GPC6: variants seen among roughly 807,000 people sequenced by gnomAD.
GPC6 encodes glypican 6, also known as glypican-6.
A neutral mutation model predicts 55.2 loss-of-function variants in GPC6; 14 were observed. The observed-to-expected ratio is 0.25, with a 90% CI of 0.17 to 0.40. The LOEUF (loss-of-function observed/expected upper bound fraction) is 0.40, where lower values mean the gene tolerates loss of function less well. Among genes scored for constraint, GPC6 ranks in the 10% least tolerant of loss-of-function variants. The probability of loss-of-function intolerance (pLI) is 1.00; values close to 1 mark genes in which losing one functional copy is unlikely to be tolerated. For missense variants in GPC6, 641 were observed against 708.5 expected (o/e 0.90, Z 1.08); for synonymous variants, 278 against 259.6 (o/e 1.07, Z -0.68).
intron 1 of GPC6, among the ~76,000 whole-genome samples, chr13:93,330,766 C>G (rs1462425444): frequency 6.6e-6 from 1 of 152,184 alleles, no homozygotes; most frequent in African/African-American, 2.4e-5. Flanking sequence ...TTGCATCTTT[C>G]ATTCTTCCAT....
At chr13:94,258,333 CAT>C (rs1891562454) in intron 4 of GPC6, among the ~76,000 whole-genome samples, 1 of 152,184 alleles carries the variant, frequency 6.6e-6, no homozygotes, top group Non-Finnish European at 1.5e-5. Context: ...CATTATTAAA[CAT>C]GTGCTCTTTG....
At chr13:93,234,687 TGA>T (rs10615675) in intron 1 of GPC6, among the ~76,000 whole-genome samples, 77,574 of 148,606 alleles carry the variant, frequency 0.52, 20,874 homozygotes, top group African/African-American at 0.66. Context: ...TGTGTGTGTG[TGA>T]GAGAGAGAGA....
In GPC6 at chr13:94,403,052, C is replaced by T. The variant is rs1881215066; in HGVS notation, c.1503C>T (p.Cys501=). The change falls in exon 9 of 9, where the codon TGC becomes TGT. Residue 501 remains cysteine (C), a synonymous_variant. Coordinates refer to ENST00000377047, the MANE Select transcript of GPC6 (RefSeq NM_005708.5). ...GTGGCTCAGGGAGTGGCAGTGGGTG[C>T]ATGGATGACGTGTGTCCCACGGAGT... The part of the protein sequence containing the change: ...ESSGSGSGSG[C]MDDVCPTEFE... 3 of 1,613,392 alleles carry T rather than the reference C, an allele frequency of 1.9e-6. No individual in the cohort carries two copies. The highest frequency in any genetic ancestry group is 2.5e-6 in the Non-Finnish European group (3 of 1,179,426).
chr13:93,723,999 C>T (rs563305753), intron 2 of GPC6, among the ~76,000 whole-genome samples: 1 of 151,620 alleles, frequency 6.6e-6, no homozygotes, highest in East Asian at 1.9e-4. Context: ...GGTGAAGCAC[C>T]TGTAATTTTT....
chr13:94,293,214 T>C (rs532787060), intron 5 of GPC6, among the ~76,000 whole-genome samples: 1 of 152,184 alleles, frequency 6.6e-6, no homozygotes, highest in Non-Finnish European at 1.5e-5. Context: ...CAATACAGAA[T>C]GCTTTGATTT....
intron 1 of GPC6, among the ~76,000 whole-genome samples, chr13:93,250,605 C>T (rs1001801473): frequency 6.6e-6 from 1 of 152,094 alleles, no homozygotes; most frequent in African/African-American, 2.4e-5. Context: ...TGAGTTCTTC[C>T]CAGGAGGGCT....
In GPC6 at chr13:93,777,350, G is replaced by C. The variant is rs191521261; in HGVS notation, c.320-52804G>C. ...TTACTAGCAACATTAACTAAACCCA[G>C]CTAAGCCTTTCCATTTGCCCAGATA... is the stretch of plus-strand genomic sequence containing the variant. On this transcript the variant is annotated intron_variant, in intron 2 of 8. Transcript: ENST00000377047. 8.5e-5 allele frequency among the ~76,000 whole-genome samples: 13 copies of C among 152,236 alleles called. 1 individual carries two copies. In the East Asian group the frequency reaches 2.5e-3, roughly 29 times the overall value.
At chr13:93,904,654 C>T (rs911419453) in intron 3 of GPC6, among the ~76,000 whole-genome samples, 6 of 152,132 alleles carry the variant, frequency 3.9e-5, no homozygotes, top group Non-Finnish European at 5.9e-5. Context: ...GGAAGGATCA[C>T]AAGCCAGGGA....
chr13:94,099,998 A>T (rs114748248), intron 4 of GPC6, among the ~76,000 whole-genome samples: 1 of 152,154 alleles, frequency 6.6e-6, no homozygotes, highest in African/African-American at 2.4e-5. Flanking sequence ...AGCAGGAAAG[A>T]TAGCTATTGG....
At chr13:94,337,927 A>G (rs1877803805) in intron 6 of GPC6, among the ~76,000 whole-genome samples, 2 of 152,200 alleles carry the variant, frequency 1.3e-5, no homozygotes, top group Non-Finnish European at 2.9e-5. Flanking sequence ...CCTCCATCTC[A>G]TGAAACACCT....
At chr13:94,102,770 A>T (rs186579431) in intron 4 of GPC6, among the ~76,000 whole-genome samples, 35 of 152,342 alleles carry the variant, frequency 2.3e-4, no homozygotes, top group African/African-American at 7.9e-4. Flanking sequence ...AAATGAAAAT[A>T]GAATATTAAA....
intron 1 of GPC6, among the ~76,000 whole-genome samples, chr13:93,453,538 G>T (rs548590472): frequency 1.1e-5 from 1 of 89,772 alleles, no homozygotes; most frequent in Non-Finnish European, 2.7e-5. Flanking sequence ...ATGAAGCCGC[G>T]GACCCTCGCA....
chr13:93,221,652 G>T, the GPC6 span, among the ~76,000 whole-genome samples: 1 of 152,160 alleles, frequency 6.6e-6, no homozygotes, highest in African/African-American at 2.4e-5. Context: ...GGAAATGAAA[G>T]ATTTTCACCA....
chr13:93,814,648 A>G (rs1017702461), intron 2 of GPC6, among the ~76,000 whole-genome samples: 1 of 152,232 alleles, frequency 6.6e-6, no homozygotes, highest in Non-Finnish European at 1.5e-5. Context: ...GAAAGATACA[A>G]AAACTACTTT....
At chr13:93,844,660 T>G (rs1016773729) in intron 3 of GPC6, among the ~76,000 whole-genome samples, 69 of 148,572 alleles carry the variant, frequency 4.6e-4, no homozygotes, top group African/African-American at 1.6e-3. Context: ...TAGATCCCAT[T>G]TGTCAATTTT....
At chr13:94,140,103 T>G (rs2138879052) in intron 4 of GPC6, among the ~76,000 whole-genome samples, 1 of 152,210 alleles carries the variant, frequency 6.6e-6, no homozygotes, top group South Asian at 2.1e-4. Flanking sequence ...CTTTGAATGT[T>G]AAGAGTCTAT....
chr13:94,053,176 C>T (rs1884012602), intron 4 of GPC6, among the ~76,000 whole-genome samples: 1 of 152,080 alleles, frequency 6.6e-6, no homozygotes, highest in Non-Finnish European at 1.5e-5. Context: ...TGGTTTTTGC[C>T]ACTCAATATA....
At chr13:93,576,608 A>G (rs1464026295) in intron 2 of GPC6, among the ~76,000 whole-genome samples, 1 of 152,134 alleles carries the variant, frequency 6.6e-6, no homozygotes, top group Admixed American at 6.6e-5. Flanking sequence ...TTGATAGTTC[A>G]GAAAAATTTC....
At chr13:93,347,995 C>T (rs955312984) in intron 1 of GPC6, among the ~76,000 whole-genome samples, 3 of 152,156 alleles carry the variant, frequency 2.0e-5, no homozygotes, top group African/African-American at 7.2e-5. Context: ...CTGAGATGTC[C>T]TACAGTTTTA....
Sources: gnomAD v4.1 joint callset for allele counts (sites outside exome capture counted in the v4.1 genomes callset) on GRCh38, gnomAD v4.1.1 for gene constraint, MANE v1.5 for transcripts, NCBI Gene and HGNC (gene_info 2026-07-23, HGNC 2026-07-21) for gene names.